Variants in LOXHD1 observed in about 807,000 individuals in gnomAD.
LOXHD1 encodes the protein lipoxygenase homology PLAT domains 1.
LOXHD1 carries 205 observed loss-of-function variants against 248.2 expected under a neutral mutation model. The observed-to-expected ratio is 0.83, with a 90% CI of 0.74 to 0.93. LOXHD1 has a LOEUF of 0.93. Among genes scored for constraint, LOXHD1 ranks in the 40% least tolerant of loss-of-function variants. LOXHD1 has a pLI of 0.00. For missense variants in LOXHD1, 2,930 were observed against 2,971.6 expected, an observed-to-expected ratio of 0.99 and a Z score of 0.33; for synonymous variants, 1,113 against 1,162.8, an observed-to-expected ratio of 0.96 and a Z score of 0.87.
chr18:46,648,205 T>G (rs773057289), intron 2 of LOXHD1, among the ~76,000 whole-genome samples: 1 of 151,944 alleles, frequency 6.6e-6, no homozygotes, highest in Non-Finnish European at 1.5e-5. Flanking sequence ...TTGCAGTCAG[T>G]TGAGATTGCA....
chr18:46,505,891 T>C lies in LOXHD1; in HGVS notation c.5825A>G (p.Asp1942Gly), dbSNP rs2034534875. The change falls in exon 37 of 41, where the codon GAC becomes GGC. Residue 1942 changes from aspartate to glycine, a missense_variant. By Grantham distance (94) the Asp-to-Gly change is moderately conservative. Transcript: ENST00000642948. ...GCAGAGGTGGCCCAAGCTCAGCATG[T>C]CAGGGAAGTTGAATGTGTCCGTGTT... ...RNNTDTFNFP[D>G]MLSLGHLCKL... 1 of 1,551,696 alleles carries C rather than the reference T, an allele frequency of 6.4e-7. No individual in the cohort carries two copies. Among genetic ancestry groups the C allele is most frequent in the Non-Finnish European group, 8.7e-7 (1 of 1,147,020 alleles).
At chr18:46,651,220 T>C (rs2039106741) in intron 1 of LOXHD1, among the ~76,000 whole-genome samples, 1 of 151,944 alleles carries the variant, frequency 6.6e-6, no homozygotes, top group African/African-American at 2.4e-5. Context: ...TTGGGGTGAG[T>C]GGACCTTTTG....
intron 37 of LOXHD1, among the ~76,000 whole-genome samples, chr18:46,496,158 C>T (rs941171575): frequency 6.6e-5 from 10 of 152,158 alleles, no homozygotes; most frequent in African/African-American, 2.2e-4. Context: ...GCTGGTGTGA[C>T]AACTTTCAAT....
chr18:46,550,433 C>T (rs1483072648), intron 21 of LOXHD1, among the ~76,000 whole-genome samples: 2 of 151,176 alleles, frequency 1.3e-5, no homozygotes, highest in South Asian at 4.2e-4. Context: ...ATTAGCCGGG[C>T]GCGGTGGCGG....
intron 12 of LOXHD1, among the ~76,000 whole-genome samples, chr18:46,591,649 T>C (rs2038170163): frequency 6.6e-6 from 1 of 152,212 alleles, no homozygotes; most frequent in Admixed American, 6.5e-5. Flanking sequence ...TCTGGAGAAC[T>C]ATTGCTCAGG....
intron 21 of LOXHD1, among the ~76,000 whole-genome samples, chr18:46,556,047 T>A (rs2037316491): frequency 1.3e-5 from 2 of 151,234 alleles, no homozygotes; most frequent in Admixed American, 6.6e-5. Context: ...ATAATATTTT[T>A]TGACATGTGA....
intron 1 of LOXHD1, among the ~76,000 whole-genome samples, chr18:46,651,747 A>G (rs1365173371): frequency 6.6e-6 from 1 of 152,090 alleles, no homozygotes; most frequent in African/African-American, 2.4e-5. Flanking sequence ...CGTATATCCA[A>G]CAAAGCACTC....
chr18:46,590,909 T>C (rs952349090), intron 12 of LOXHD1, among the ~76,000 whole-genome samples: 2 of 152,064 alleles, frequency 1.3e-5, no homozygotes, highest in Admixed American at 1.3e-4. Context: ...AGAAGAACCA[T>C]AAAATAAAAG....
intron 33 of LOXHD1, 108 bp downstream of exon 33, chr18:46,520,989 C>T (rs890504401): frequency 2.8e-5 from 37 of 1,315,942 alleles, no homozygotes; most frequent in African/African-American, 1.6e-4. Flanking sequence ...CCTGCGGATG[C>T]CCCAGTGATG....
intron 40 of LOXHD1, among the ~76,000 whole-genome samples, chr18:46,482,224 G>A (rs954223524): frequency 2.6e-5 from 4 of 152,178 alleles, no homozygotes; most frequent in Admixed American, 2.6e-4. Context: ...GAACAGAGTT[G>A]TATCTCCCCA....
intron 30 of LOXHD1, 38 bp downstream of exon 30, chr18:46,524,670 T>C: frequency 6.4e-7 from 1 of 1,551,314 alleles, no homozygotes; most frequent in Non-Finnish European, 8.7e-7. Flanking sequence ...CCCCTAGGCA[T>C]GAGGATGGCC....
At chr18:46,558,001 C>A (rs1206536522) in intron 20 of LOXHD1, 5 of 1,000,060 alleles carry the variant, frequency 5.0e-6, no homozygotes, top group Non-Finnish European at 1.2e-6. Flanking sequence ...TGGATCACAC[C>A]ATGTGAATGC....
intron 8 of LOXHD1, among the ~76,000 whole-genome samples, chr18:46,596,599 A>C (rs2038259929): frequency 6.6e-6 from 1 of 152,230 alleles, no homozygotes; most frequent in Non-Finnish European, 1.5e-5. Context: ...TGCAAAGAGA[A>C]GCCTACCTTT....
chr18:46,525,010 G>T, intron 29 of LOXHD1, 93 bp from the exon 30 acceptor site: 1 of 1,394,830 alleles, frequency 7.2e-7, no homozygotes, highest in African/African-American at 1.4e-5. Flanking sequence ...TTCCCCCTCA[G>T]TTGCTGCACT....
At chr18:46,540,193 A>T (rs1598952618) in intron 25 of LOXHD1, among the ~76,000 whole-genome samples, 1 of 152,196 alleles carries the variant, frequency 6.6e-6, no homozygotes, top group Admixed American at 6.5e-5. Context: ...ACATGGTAGA[A>T]CTTGAACTCA....
At chr18:46,629,728 T>C (rs2038794051) in intron 4 of LOXHD1, among the ~76,000 whole-genome samples, 1 of 151,442 alleles carries the variant, frequency 6.6e-6, no homozygotes, top group East Asian at 1.9e-4. Context: ...CACAATTCCA[T>C]TTCTACCCAT....
At chr18:46,527,961 CT>C (rs1284297554) in intron 29 of LOXHD1, among the ~76,000 whole-genome samples, 1 of 152,128 alleles carries the variant, frequency 6.6e-6, no homozygotes, top group Non-Finnish European at 1.5e-5. Context: ...TCCTGGAGAC[CT>C]GGCAGCCAGG....
intron 39 of LOXHD1, among the ~76,000 whole-genome samples, chr18:46,484,378 C>A (rs569887823): frequency 2.0e-5 from 3 of 152,182 alleles, no homozygotes; most frequent in African/African-American, 7.2e-5. Flanking sequence ...GTCATGAGAG[C>A]TGAGCCCTCA....
Position 46,563,157 on chromosome 18 carries a change from T to G in LOXHD1, c.2506A>C (p.Met836Leu), listed in dbSNP as rs957867009. ...TTGCCTTTCTCTCCATAGATCTGCA[T>G]GTAGACTCGGGCACTGGTGCCTGCG... is the stretch of plus-strand genomic sequence containing the variant. ...GGAGTSARVY[M>L]QIYGEKGKTE... Residue 836 changes from methionine (M) to leucine (L), a missense_variant, in exon 18 of 41, where the codon ATG (methionine) becomes CTG (leucine). Coordinates refer to ENST00000642948, the MANE Select transcript of LOXHD1 (RefSeq NM_001384474.1). 3 of 1,539,984 alleles carry G rather than the reference T, an allele frequency of 1.9e-6. No individual in the cohort carries two copies. The highest frequency in any genetic ancestry group is 1.7e-4 in the Middle Eastern group (1 of 5,960).
Sources: gnomAD v4.1 joint callset for allele counts (sites outside exome capture counted in the v4.1 genomes callset) on GRCh38, gnomAD v4.1.1 for gene constraint, MANE v1.5 for transcripts, NCBI Gene and HGNC (gene_info 2026-07-23, HGNC 2026-07-21) for gene names.